The following LRP1B variants were observed in gnomAD, a reference collection of about 807,000 sequenced individuals.
LRP1B encodes low-density lipoprotein receptor-related protein 1B.
In LRP1B, 217 loss-of-function variants were observed where a neutral mutation model predicts 556.6. The ratio of observed to expected loss-of-function variants is 0.39; its 90% confidence interval spans 0.35 to 0.44. LRP1B has a LOEUF of 0.44. Ranked by LOEUF, LRP1B falls within the 20% of genes least tolerant of loss-of-function variation. The probability of loss-of-function intolerance (pLI) is 1.00; values close to 1 mark genes in which losing one functional copy is unlikely to be tolerated. For synonymous variants in LRP1B, 2,047 were observed against 1,865.8 expected (o/e 1.10, Z -2.50); for missense variants, 5,053 against 5,620.8 (o/e 0.90, Z 3.23).
At chr2:141,709,810 TG>T (rs148854032) in intron 2 of LRP1B, among the ~76,000 whole-genome samples, 3,116 of 152,248 alleles carry the variant, frequency 0.02, 104 homozygotes, top group African/African-American at 0.071. Flanking sequence ...TTCTTTGTGT[TG>T]CTATGGAATA....
chr2:141,701,567 TA>T (rs1691940422), intron 2 of LRP1B, among the ~76,000 whole-genome samples: 1 of 151,906 alleles, frequency 6.6e-6, no homozygotes, highest in Non-Finnish European at 1.5e-5. Context: ...GAAACAAGGT[TA>T]CTGCTACCCC....
At chr2:140,884,287 C>A (rs947063470) in intron 24 of LRP1B, among the ~76,000 whole-genome samples, 1 of 151,796 alleles carries the variant, frequency 6.6e-6, no homozygotes, top group African/African-American at 2.4e-5. Flanking sequence ...AGGCTAATAA[C>A]AACGTTGAGG....
At chr2:140,856,072 C>T (rs1692609285) in intron 27 of LRP1B, among the ~76,000 whole-genome samples, 1 of 152,122 alleles carries the variant, frequency 6.6e-6, no homozygotes, top group African/African-American at 2.4e-5. Flanking sequence ...GTGATACTGT[C>T]CCAAATATAC....
At chr2:141,019,557 AT>A (rs914112044) in intron 12 of LRP1B, among the ~76,000 whole-genome samples, 5 of 152,068 alleles carry the variant, frequency 3.3e-5, no homozygotes, top group Non-Finnish European at 5.9e-5. Flanking sequence ...AACTTTTGCT[AT>A]TTTTTTGAAT....
At chr2:141,421,688 A>G (rs531315732) in intron 3 of LRP1B, among the ~76,000 whole-genome samples, 14 of 152,152 alleles carry the variant, frequency 9.2e-5, no homozygotes, top group South Asian at 2.1e-4. Flanking sequence ...ACTTTATCTC[A>G]TACTTCTTGT....
chr2:141,242,888 C>A (rs1423364009), intron 5 of LRP1B, among the ~76,000 whole-genome samples: 2 of 152,010 alleles, frequency 1.3e-5, no homozygotes, highest in African/African-American at 2.4e-5. Context: ...AAGTTAAACA[C>A]CATTGACTAT....
intron 43 of LRP1B, among the ~76,000 whole-genome samples, chr2:140,558,005 C>T (rs1241057417): frequency 6.6e-6 from 1 of 152,124 alleles, no homozygotes; most frequent in Non-Finnish European, 1.5e-5. Flanking sequence ...TCAACAAATA[C>T]TTGTTGAACA....
chr2:141,707,064 A>C (rs1692168577), intron 2 of LRP1B, among the ~76,000 whole-genome samples: 1 of 152,152 alleles, frequency 6.6e-6, no homozygotes, highest in South Asian at 2.1e-4. Flanking sequence ...ATGAAGAAGT[A>C]ATAAGTTTTA....
intron 1 of LRP1B, among the ~76,000 whole-genome samples, chr2:141,832,721 T>C (rs947495119): frequency 6.6e-6 from 1 of 151,814 alleles, no homozygotes; most frequent in African/African-American, 2.4e-5. Context: ...CTACCAAGAA[T>C]TGTTTTTTGT....
At chr2:140,241,003 T>C (rs957401742) in intron 87 of LRP1B, among the ~76,000 whole-genome samples, 2 of 150,996 alleles carry the variant, frequency 1.3e-5, no homozygotes, top group African/African-American at 4.8e-5. Flanking sequence ...ATGTATAAGA[T>C]AAATCTCTAA....
chr2:140,611,289 A>T (rs560074269), intron 41 of LRP1B, among the ~76,000 whole-genome samples: 2 of 152,288 alleles, frequency 1.3e-5, no homozygotes, highest in South Asian at 2.1e-4. Flanking sequence ...AACCACTTAC[A>T]CTGTCTTTAA....
chr2:140,587,050 C>G (rs140489423), intron 43 of LRP1B, among the ~76,000 whole-genome samples: 13 of 151,756 alleles, frequency 8.6e-5, no homozygotes, highest in African/African-American at 2.9e-4. Flanking sequence ...TAGAACTGAA[C>G]GTAAAATAAC....
intron 5 of LRP1B, among the ~76,000 whole-genome samples, chr2:141,239,935 T>C (rs1259488481): frequency 6.6e-6 from 1 of 152,092 alleles, no homozygotes; most frequent in Non-Finnish European, 1.5e-5. Context: ...AGAGATTAAG[T>C]ACTCTAAGTA....
chr2:140,951,420 A>G (rs891424064), intron 19 of LRP1B, among the ~76,000 whole-genome samples: 7 of 152,204 alleles, frequency 4.6e-5, no homozygotes, highest in African/African-American at 1.7e-4. Context: ...ATAATTTAGC[A>G]TAGTAATACA....
At chr2:141,654,185 C>A (rs1689910557) in intron 2 of LRP1B, among the ~76,000 whole-genome samples, 1 of 152,092 alleles carries the variant, frequency 6.6e-6, no homozygotes, top group South Asian at 2.1e-4. Context: ...CCTTAAATTG[C>A]AAAGGAGAAA....
At chr2:141,172,786 T>C (rs2105148075) in intron 7 of LRP1B, among the ~76,000 whole-genome samples, 1 of 152,168 alleles carries the variant, frequency 6.6e-6, no homozygotes, top group African/African-American at 2.4e-5. Context: ...TTTTCTCTAC[T>C]AAGCAACCTG....
intron 2 of LRP1B, among the ~76,000 whole-genome samples, chr2:141,659,350 T>C (rs1000488966): frequency 6.6e-6 from 1 of 152,132 alleles, no homozygotes; most frequent in African/African-American, 2.4e-5. Context: ...ACAGAAAATA[T>C]GTAAATGAGT....
In LRP1B at chr2:140,314,847, GAAGT is replaced by G. The variant is rs1684453116; in HGVS notation, c.12805+84_12805+87del. 2.2e-5 allele frequency: 19 copies of G among 849,454 alleles called. No individual in the cohort carries two copies. In the South Asian group the frequency reaches 4.0e-4, roughly 18 times the overall value. The allele number at this position is 849,454 out of a possible 1,614,324, so 52.6% of individuals were successfully genotyped here. ...AGTCTATTGTTCATTAAGATATTAGGAAGTATATTTGTAACATTAAGCATTTTCG... is the reference window on the plus strand; with the variant it reads ...AGTCTATTGTTCATTAAGATATTAGGATATTTGTAACATTAAGCATTTTCG... On this transcript the variant is annotated intron_variant, in intron 83 of 90. Transcript: ENST00000389484.
chr2:141,315,880 G>GTTTT (rs1687012698), intron 3 of LRP1B, among the ~76,000 whole-genome samples: 1 of 39,078 alleles, frequency 2.6e-5, no homozygotes, highest in African/African-American at 1.2e-4. Context: ...CTTTAGTCTG[G>GTTTT]TCTTTTTTTT....
Sources: gnomAD v4.1 joint callset for allele counts (sites outside exome capture counted in the v4.1 genomes callset) on GRCh38, gnomAD v4.1.1 for gene constraint, MANE v1.5 for transcripts, NCBI Gene and HGNC (gene_info 2026-07-23, HGNC 2026-07-21) for gene names.